CACNG3: variants seen among roughly 807,000 people sequenced by gnomAD.
CACNG3 encodes the protein calcium voltage-gated channel auxiliary subunit gamma 3.
CACNG3 carries 3 observed loss-of-function variants against 28.5 expected under a neutral mutation model. The observed-to-expected ratio is 0.11, with a 90% CI of 0.05 to 0.27. CACNG3 has a LOEUF of 0.27. CACNG3 is among the 10% of genes least tolerant of loss of function. The pLI is 1.00. For synonymous variants in CACNG3, 174 were observed against 162.2 expected (o/e 1.07, Z -0.55); for missense variants, 236 against 414.4 (o/e 0.57, Z 3.74).
chr16:24,354,681 C>T, intron 2 of CACNG3, 152 bp from the exon 3 acceptor site: 1 of 708,432 alleles, frequency 1.4e-6, no homozygotes, highest in South Asian at 1.9e-5. Context: ...CTTCTAAGCA[C>T]AGGCCCTGAG....
intron 1 of CACNG3, among the ~76,000 whole-genome samples, chr16:24,297,108 A>T (rs1287337155): frequency 6.6e-6 from 1 of 152,092 alleles, no homozygotes; most frequent in Non-Finnish European, 1.5e-5. Flanking sequence ...AACAAAAATT[A>T]GCTGGGCAAG....
intron 1 of CACNG3, among the ~76,000 whole-genome samples, chr16:24,286,361 G>A (rs9929149): frequency 0.17 from 26,234 of 151,546 alleles, 2,463 homozygotes; most frequent in Middle Eastern, 0.25. Flanking sequence ...AAAGATTGTA[G>A]CAAGGGGAGT....
At chr16:24,316,077 T>C (rs1490092252) in intron 1 of CACNG3, among the ~76,000 whole-genome samples, 1 of 151,998 alleles carries the variant, frequency 6.6e-6, no homozygotes, top group African/African-American at 2.4e-5. Flanking sequence ...GTATTATTAT[T>C]ATCCCTATTT....
intron 1 of CACNG3, among the ~76,000 whole-genome samples, chr16:24,311,994 C>T (rs756859206): frequency 3.3e-5 from 5 of 152,236 alleles, no homozygotes; most frequent in Non-Finnish European, 7.3e-5. Flanking sequence ...CTGGACCTGA[C>T]CTATTTGATT....
rs575807547 is a variant in CACNG3 at position 24,355,518 on chromosome 16, G to A, written c.436+545G>A. Among the ~76,000 whole-genome samples, 192 of 152,304 alleles carry A rather than the reference G, an allele frequency of 1.3e-3. 3 individuals are homozygous for A. The highest frequency in any genetic ancestry group is 4.5e-3 in the African/African-American group (187 of 41,570). On this transcript the variant is annotated intron_variant, in intron 3 of 3. Transcript: ENST00000005284. ...GGATCACTTGAGCCCAGGACGTCAA[G>A]GCTGCAGTGAGCCAAGATCTTGCCA...
At chr16:24,257,123 C>T (rs1898469766) in intron 1 of CACNG3, among the ~76,000 whole-genome samples, 158 bp downstream of exon 1, 1 of 151,966 alleles carries the variant, frequency 6.6e-6, no homozygotes, top group African/African-American at 2.4e-5. Flanking sequence ...AAGACTGACG[C>T]CATGTGGGTT....
intron 1 of CACNG3, among the ~76,000 whole-genome samples, chr16:24,288,872 AACACAC>A (rs143449429): frequency 1.3e-5 from 2 of 148,662 alleles, no homozygotes; most frequent in African/African-American, 2.5e-5. Context: ...GTGACACATA[AACACAC>A]ACACACACAC....
intron 1 of CACNG3, among the ~76,000 whole-genome samples, chr16:24,297,280 AAAT>A (rs1173362206): frequency 1.4e-5 from 2 of 140,292 alleles, no homozygotes; most frequent in African/African-American, 5.9e-5. Flanking sequence ...AAAATAAAAT[AAAT>A]AAATAAATAA....
intron 1 of CACNG3, among the ~76,000 whole-genome samples, chr16:24,291,320 C>T (rs892484257): frequency 6.6e-6 from 1 of 152,190 alleles, no homozygotes; most frequent in Non-Finnish European, 1.5e-5. Context: ...CTGCACATCC[C>T]ACAACCCTTG....
intron 1 of CACNG3, among the ~76,000 whole-genome samples, chr16:24,261,970 C>G (rs1347383434): frequency 6.6e-6 from 1 of 152,164 alleles, no homozygotes; most frequent in Non-Finnish European, 1.5e-5. Context: ...CATTTATTAA[C>G]TATTCTGTAT....
chr16:24,267,747 G>A (rs1181022987), intron 1 of CACNG3, among the ~76,000 whole-genome samples: 1 of 152,110 alleles, frequency 6.6e-6, no homozygotes, highest in East Asian at 1.9e-4. Flanking sequence ...TTGGCTCACT[G>A]CAACCTCCGC....
intron 3 of CACNG3, among the ~76,000 whole-genome samples, chr16:24,355,892 G>C (rs1900025469): frequency 6.6e-6 from 1 of 152,178 alleles, no homozygotes; most frequent in Admixed American, 6.5e-5. Flanking sequence ...GATGCTCTGG[G>C]GGAAGACCTT....
intron 1 of CACNG3, among the ~76,000 whole-genome samples, chr16:24,303,205 C>T (rs954496210): frequency 1.1e-4 from 16 of 152,152 alleles, no homozygotes; most frequent in African/African-American, 3.4e-4. Context: ...CCACATTCCT[C>T]GCTGTCTCCT....
At chr16:24,263,212 C>T (rs1348912674) in intron 1 of CACNG3, among the ~76,000 whole-genome samples, 1 of 152,064 alleles carries the variant, frequency 6.6e-6, no homozygotes, top group Non-Finnish European at 1.5e-5. Flanking sequence ...TTTATTCTCT[C>T]CTCTCCTGAA....
At chr16:24,309,934 G>A (rs1279704015) in intron 1 of CACNG3, among the ~76,000 whole-genome samples, 1 of 152,202 alleles carries the variant, frequency 6.6e-6, no homozygotes, top group Non-Finnish European at 1.5e-5. Context: ...GGGGACTTCA[G>A]ACGTAATTTT....
At chr16:24,285,043 A>G (rs938844319) in intron 1 of CACNG3, among the ~76,000 whole-genome samples, 9 of 151,676 alleles carry the variant, frequency 5.9e-5, no homozygotes, top group African/African-American at 9.7e-5. Flanking sequence ...AGACACTCAG[A>G]GTGTGACCTC....
intron 1 of CACNG3, among the ~76,000 whole-genome samples, chr16:24,318,138 G>C (rs181006097): frequency 8.4e-4 from 128 of 152,226 alleles, no homozygotes; most frequent in African/African-American, 2.9e-3. Flanking sequence ...AGCATCCCTA[G>C]AGCTGGGTAT....
chr16:24,315,743 C>A (rs1899343582), intron 1 of CACNG3, among the ~76,000 whole-genome samples: 1 of 151,876 alleles, frequency 6.6e-6, no homozygotes. Context: ...GTAACTTTCA[C>A]CTCTTCCCAG....
intron 1 of CACNG3, among the ~76,000 whole-genome samples, chr16:24,300,818 C>G (rs1899098572): frequency 1.3e-5 from 2 of 151,990 alleles, no homozygotes. Context: ...CTTTTGGAAG[C>G]TAAGGGGGGC....
Sources: allele counts gnomAD v4.1 joint callset (sites outside exome capture counted in the v4.1 genomes callset), GRCh38; gene constraint gnomAD v4.1.1; transcripts MANE v1.5; gene names NCBI Gene and HGNC (gene_info 2026-07-23, HGNC 2026-07-21).